The following ATP10B variants were observed in gnomAD, a reference collection of about 807,000 sequenced individuals.
ATP10B encodes the protein ATPase phospholipid transporting 10B (putative).
In ATP10B, 122 loss-of-function variants were observed where a neutral mutation model predicts 141.2. That is an observed-to-expected ratio of 0.86 (90% confidence interval 0.75 to 1.00). The LOEUF is 1.00. ATP10B is among the 50% of genes least tolerant of loss of function. ATP10B has a pLI of 0.00. For missense variants in ATP10B, 1,876 were observed against 1,825.3 expected (o/e 1.03, Z -0.51); for synonymous variants, 685 against 692.0 (o/e 0.99, Z 0.16).
chr5:160,637,336 TC>T (rs1292742161), intron 10 of ATP10B, among the ~76,000 whole-genome samples: 4 of 152,112 alleles, frequency 2.6e-5, no homozygotes, highest in Admixed American at 2.6e-4. Context: ...TATCCATCCA[TC>T]CATTCATCCA....
chr5:160,673,216 C>T (rs926319155), intron 6 of ATP10B, among the ~76,000 whole-genome samples: 1 of 152,132 alleles, frequency 6.6e-6, no homozygotes, highest in African/African-American at 2.4e-5. Context: ...AACAGGTTTC[C>T]AAGCACCTTT....
intron 3 of ATP10B, among the ~76,000 whole-genome samples, chr5:160,692,321 G>T (rs1055264693): frequency 1.3e-5 from 2 of 152,102 alleles, no homozygotes; most frequent in South Asian, 2.1e-4. Flanking sequence ...ATGATAAAAA[G>T]AATCACTTTT....
chr5:160,574,801 CTT>C (rs35450287), intron 24 of ATP10B, among the ~76,000 whole-genome samples: 2 of 140,926 alleles, frequency 1.4e-5, no homozygotes, highest in Non-Finnish European at 1.5e-5. Context: ...CAGCATTCAT[CTT>C]TTTTTTTTTT....
intron 14 of ATP10B, 58 bp downstream of exon 14, chr5:160,622,336 C>T: frequency 2.6e-6 from 4 of 1,514,154 alleles, no homozygotes; most frequent in Non-Finnish European, 3.5e-6. Flanking sequence ...CGCCCCTACC[C>T]TGCCTTCTAC....
chr5:160,817,351 C>G (rs1000650752), intron 1 of ATP10B, among the ~76,000 whole-genome samples: 1 of 152,086 alleles, frequency 6.6e-6, no homozygotes, highest in Non-Finnish European at 1.5e-5. Context: ...TTCTTATACA[C>G]CAATAACAGA....
chr5:160,856,195 A>G (rs1450353252), upstream of ATP10B, among the ~76,000 whole-genome samples: 3 of 151,892 alleles, frequency 2.0e-5, no homozygotes, highest in Non-Finnish European at 4.4e-5. Context: ...GAATAGTCCA[A>G]TCAATGGACA....
chr5:160,695,862 C>T (rs1412603531), intron 3 of ATP10B, among the ~76,000 whole-genome samples: 1 of 151,904 alleles, frequency 6.6e-6, no homozygotes, highest in African/African-American at 2.4e-5. Flanking sequence ...GCACTCTACC[C>T]TGAGGACAAA....
chr5:160,706,045 G>A (rs1764993577), intron 3 of ATP10B, among the ~76,000 whole-genome samples: 1 of 152,212 alleles, frequency 6.6e-6, no homozygotes, highest in African/African-American at 2.4e-5. Context: ...ACAGCTGGAT[G>A]GTAGAGTAGT....
chr5:160,588,209 CTCTT>C, intron 24 of ATP10B, among the ~76,000 whole-genome samples: 1 of 152,316 alleles, frequency 6.6e-6, no homozygotes, highest in South Asian at 2.1e-4. Context: ...TTTACTTTCT[CTCTT>C]TCTATTTGAA....
chr5:160,922,922 G>C, the ATP10B span, among the ~76,000 whole-genome samples: 12 of 152,218 alleles, frequency 7.9e-5, no homozygotes, highest in African/African-American at 2.7e-4. Flanking sequence ...AAATGCAATA[G>C]TATCTGCTGA....
chr5:160,565,438 G>C lies in ATP10B; in HGVS notation c.*15C>G. On this transcript the variant is annotated 3_prime_UTR_variant, in exon 26 of 26. Coordinates refer to ENST00000327245, the MANE Select transcript of ATP10B (RefSeq NM_025153.3). ...AGGTGGCCTCTGTTGAGTTTGTACA[G>C]ATTTCTGCAGCTCCTCATATGGTCA... 1 of 1,612,694 alleles carries C rather than the reference G, an allele frequency of 6.2e-7. No individual in the cohort carries two copies. The highest frequency in any genetic ancestry group is 8.5e-7 in the Non-Finnish European group (1 of 1,179,116).
intron 2 of ATP10B, among the ~76,000 whole-genome samples, chr5:160,742,491 T>G (rs977193136): frequency 2.0e-5 from 3 of 152,160 alleles, no homozygotes; most frequent in Non-Finnish European, 2.9e-5. Context: ...TTCACTCTGG[T>G]TGGTGATAAA....
chr5:160,715,223 G>A (rs1228037387), intron 3 of ATP10B, among the ~76,000 whole-genome samples: 60 of 124,076 alleles, frequency 4.8e-4, no homozygotes, highest in South Asian at 9.5e-4. Context: ...CCTCGTTGCT[G>A]CCTTGCAGTT....
chr5:160,874,428 T>TG, the ATP10B span, among the ~76,000 whole-genome samples: 4 of 151,806 alleles, frequency 2.6e-5, no homozygotes, highest in African/African-American at 9.7e-5. Flanking sequence ...ACCACAAAGA[T>TG]GGGGAAAAAA....
the ATP10B span, among the ~76,000 whole-genome samples, chr5:160,891,082 G>C: frequency 0.015 from 2,320 of 152,310 alleles, 60 homozygotes; most frequent in African/African-American, 0.053. Context: ...GAGTGGAACT[G>C]TGGAATTGTA....
At chr5:160,880,373 A>G in the ATP10B span, among the ~76,000 whole-genome samples, 2 of 152,076 alleles carry the variant, frequency 1.3e-5, 1 homozygote, top group Non-Finnish European at 2.9e-5. Context: ...AGTTCTTCCA[A>G]ACTTGATCTA....
At chr5:160,928,495 C>T in the ATP10B span, among the ~76,000 whole-genome samples, 574 of 152,254 alleles carry the variant, frequency 3.8e-3, 5 homozygotes, top group African/African-American at 0.012. Flanking sequence ...ATGGCCTCAT[C>T]GACTGAAGTC....
the ATP10B span, among the ~76,000 whole-genome samples, chr5:160,914,841 A>G: frequency 1.8e-3 from 276 of 152,340 alleles, no homozygotes; most frequent in Non-Finnish European, 3.2e-3. Flanking sequence ...AGGACCATGA[A>G]AAAATTCCTC....
Position 160,647,550 on chromosome 5 carries a change from T to C in ATP10B, c.761+1621A>G, listed in dbSNP as rs538571535. On this transcript the variant is annotated intron_variant, in intron 8 of 25. Transcript: ENST00000327245. ...TCTGAGAGGGGCAGGCTGGAGCAGG[T>C]TGAAAGCTGAGAAAGGCTGGCTGTT... Among the ~76,000 whole-genome samples, 5 of 152,214 alleles carry C rather than the reference T, an allele frequency of 3.3e-5. No homozygotes were observed. In the East Asian group the frequency reaches 7.7e-4, roughly 24 times the overall value.
Sources: allele counts gnomAD v4.1 joint callset (sites outside exome capture counted in the v4.1 genomes callset), GRCh38; gene constraint gnomAD v4.1.1; transcripts MANE v1.5; gene names NCBI Gene and HGNC (gene_info 2026-07-23, HGNC 2026-07-21).